The following KCNN3 variants were observed in gnomAD, a reference collection of about 807,000 sequenced individuals.
KCNN3 encodes small conductance calcium-activated potassium channel protein 3.
Under a neutral mutation model 62.9 loss-of-function variants are expected in KCNN3, and 16 were observed. That is an observed-to-expected ratio of 0.25 (90% CI 0.17 to 0.39). The LOEUF (loss-of-function observed/expected upper bound fraction) is 0.39. Ranked by LOEUF, KCNN3 falls within the 10% of genes least tolerant of loss-of-function variation. The pLI is 1.00. For missense variants in KCNN3, 599 were observed against 949.4 expected, an observed-to-expected ratio of 0.63 and a Z score of 4.85; for synonymous variants, 370 against 389.2, an observed-to-expected ratio of 0.95 and a Z score of 0.58.
Position 154,772,827 on chromosome 1 carries a change from G to T in KCNN3, c.1030-434C>A, listed in dbSNP as rs1000591785. Among the ~76,000 whole-genome samples, 1 of 152,106 alleles carries T rather than the reference G, an allele frequency of 6.6e-6. No individual in the cohort carries two copies. The highest frequency in any genetic ancestry group is 6.5e-5 in the Admixed American group (1 of 15,272). On this transcript the variant is annotated intron_variant, in intron 2 of 7. Coordinates refer to ENST00000271915, the MANE Select transcript of KCNN3 (RefSeq NM_002249.6). This position sits in a 1 kb window ranked among gnomAD's most constrained non-coding sequence, Gnocchi z 5.6. ...GGATCCAGGGTGGCCTCAGGATGGCGCTGGTTGCCAGGGGAACCAATCTGG... is the reference window on the plus strand; with the variant it reads ...GGATCCAGGGTGGCCTCAGGATGGCTCTGGTTGCCAGGGGAACCAATCTGG...
chr1:154,772,335 A>T lies in KCNN3; in HGVS notation c.1088T>A (p.Ile363Asn), dbSNP rs768464858. Residue 363 changes from isoleucine (I) to asparagine (N), a missense_variant, in exon 3 of 8, where the codon ATC becomes AAC. Around this residue, in one of 7 missense-constraint regions of KCNN3, gnomAD observed 288 missense variants for 557.4 expected, o/e 0.52. Transcript: ENST00000271915. This position sits in a 1 kb window ranked among gnomAD's most constrained non-coding sequence, Gnocchi z 5.6. ...DWRIAMTYERILYISLEMLVC... is the reference protein window; with the variant it reads ...DWRIAMTYERNLYISLEMLVC... ...CAGCATCTCCAGGCTGATGTACAGGATGCGCTCGTAGGTCATGGCTATCCG... is the reference window on the plus strand; with the variant it reads ...CAGCATCTCCAGGCTGATGTACAGGTTGCGCTCGTAGGTCATGGCTATCCG... 7 of 1,614,072 alleles carry T rather than the reference A, an allele frequency of 4.3e-6. No individual in the cohort carries two copies.
chr1:154,707,367 A>G lies in KCNN3; in HGVS notation c.*609T>C, dbSNP rs556604540. ...TGTACATGTACACGTTTGCAAACAC[A>G]CAGGTTTATGTGGGTATTAATATCG... On this transcript the variant is annotated 3_prime_UTR_variant, in exon 8 of 8. Coordinates refer to ENST00000271915, the MANE Select transcript of KCNN3 (RefSeq NM_002249.6). 2.6e-5 allele frequency: 4 copies of G among 151,586 alleles called. No homozygotes were observed. The East Asian group carries it at 7.8e-4, about 29-fold the overall frequency. 9.4% of individuals were successfully genotyped at this position (151,586 alleles called of 1,614,324 possible). A position where few individuals can be genotyped will look rare whatever the true frequency, so the allele number is the denominator to read the frequency against.
In KCNN3 at chr1:154,772,483, G is replaced by C; in HGVS notation, c.1030-90C>G. ...GGACAGGTGGGGCAGGCTGGGGCAG[G>C]CTGCTGGGCTCAGGTCAGCCTGACC... On this transcript the variant is annotated intron_variant, in intron 2 of 7. Transcript: ENST00000271915. This position sits in a 1 kb window ranked among gnomAD's most constrained non-coding sequence, Gnocchi z 5.6. The C allele has an allele frequency of 7.5e-7, 1 of 1,336,830 alleles. No individual in the cohort carries two copies. The highest frequency in any genetic ancestry group is 1.1e-6 in the Non-Finnish European group (1 of 944,290). The allele number at this position is 1,336,830 out of a possible 1,614,324, so 82.8% of individuals were successfully genotyped here.
chr1:154,741,623 G>T (rs1379985741), intron 3 of KCNN3, among the ~76,000 whole-genome samples: 1 of 151,834 alleles, frequency 6.6e-6, no homozygotes, highest in Admixed American at 6.6e-5. Flanking sequence ...ACAGCACTAG[G>T]GTGACAGAAA....
At chr1:154,715,731 T>G (rs1330057071) in intron 5 of KCNN3, among the ~76,000 whole-genome samples, 1 of 152,134 alleles carries the variant, frequency 6.6e-6, no homozygotes, top group Non-Finnish European at 1.5e-5. Flanking sequence ...CCTTGGAAAA[T>G]AGCTAGCGAT....
intron 1 of KCNN3, among the ~76,000 whole-genome samples, chr1:154,864,366 T>C (rs1020329489): frequency 5.3e-5 from 8 of 152,276 alleles, no homozygotes; most frequent in Non-Finnish European, 1.0e-4. Context: ...CAGAGCCACT[T>C]GGCTAGCCAA....
Position 154,714,860 on chromosome 1 carries a change from G to A in KCNN3, c.1829+16C>T, listed in dbSNP as rs769631740. 18 of 1,612,804 alleles carry A rather than the reference G, an allele frequency of 1.1e-5. No individual in the cohort carries two copies. Among genetic ancestry groups the A allele is most frequent in the South Asian group, 9.9e-5 (9 of 91,076 alleles). ...AGTCTGGTCATCTGATGGCTGAACC[G>A]CTCTGGCATACTCACTGGTGGATAG... is the stretch of plus-strand genomic sequence containing the variant. On this transcript the variant is annotated intron_variant, in intron 6 of 7. Coordinates refer to ENST00000271915, the MANE Select transcript of KCNN3 (RefSeq NM_002249.6).
At chr1:154,715,086 A>T in intron 5 of KCNN3, 83 bp from the exon 6 acceptor site, 2 of 1,510,644 alleles carry the variant, frequency 1.3e-6, no homozygotes, top group Non-Finnish European at 9.2e-7. Context: ...AGTCTACCTC[A>T]TAAGGAAACG....
chr1:154,864,165 T>A (rs1254113469), intron 1 of KCNN3, among the ~76,000 whole-genome samples: 1 of 152,216 alleles, frequency 6.6e-6, no homozygotes, highest in African/African-American at 2.4e-5. Context: ...GCCTTCTGCA[T>A]CCTGGTCCTG....
chr1:154,788,695 G>A (rs1442186334), intron 2 of KCNN3, among the ~76,000 whole-genome samples: 4 of 152,064 alleles, frequency 2.6e-5, no homozygotes, highest in Non-Finnish European at 5.9e-5. Flanking sequence ...GCATCCACTC[G>A]CATCACCCCA....
At chr1:154,848,180 T>A (rs1000344276) in intron 1 of KCNN3, among the ~76,000 whole-genome samples, 2 of 152,160 alleles carry the variant, frequency 1.3e-5, no homozygotes, top group African/African-American at 4.8e-5. Flanking sequence ...GGCTGCCTGA[T>A]GCTCGCTGCT....
chr1:154,819,747 G>C (rs1003095886), intron 2 of KCNN3, among the ~76,000 whole-genome samples: 6 of 152,056 alleles, frequency 3.9e-5, no homozygotes, highest in Non-Finnish European at 7.4e-5. Context: ...GGCAGGGCTG[G>C]GCCAGAGCAG....
intron 7 of KCNN3, among the ~76,000 whole-genome samples, chr1:154,711,986 C>CAGGGAGAT (rs1557936730): frequency 3.2e-5 from 4 of 126,780 alleles, no homozygotes; most frequent in Non-Finnish European, 5.0e-5. Context: ...GACAGGGAGA[C>CAGGGAGAT]GGAGAGGAAG....
At chr1:154,835,606 A>G (rs931065631) in intron 1 of KCNN3, among the ~76,000 whole-genome samples, 1 of 152,194 alleles carries the variant, frequency 6.6e-6, no homozygotes, top group African/African-American at 2.4e-5. Context: ...TATTTCATCA[A>G]TTATGGACAA....
At chr1:154,764,367 T>C (rs1648162021) in intron 3 of KCNN3, among the ~76,000 whole-genome samples, 2 of 152,178 alleles carry the variant, frequency 1.3e-5, no homozygotes, top group Non-Finnish European at 2.9e-5. Flanking sequence ...GAGTCTCAAG[T>C]CTGCTGGCTC....
chr1:154,722,985 C>T (rs970118081), intron 5 of KCNN3, among the ~76,000 whole-genome samples: 4 of 152,104 alleles, frequency 2.6e-5, no homozygotes, highest in African/African-American at 9.7e-5. Context: ...CCACCTCGGC[C>T]TCCCAAAGTG....
At chr1:154,796,634 C>G (rs1408758530) in intron 2 of KCNN3, among the ~76,000 whole-genome samples, 1 of 152,220 alleles carries the variant, frequency 6.6e-6, no homozygotes, top group East Asian at 1.9e-4. Flanking sequence ...AGTCATGATT[C>G]AACCGATTCA....
At chr1:154,744,863 A>T (rs544037912) in intron 3 of KCNN3, among the ~76,000 whole-genome samples, 1 of 151,890 alleles carries the variant, frequency 6.6e-6, no homozygotes, top group Non-Finnish European at 1.5e-5. Flanking sequence ...CTGAGGAATA[A>T]ATGGCCTAGG....
At chr1:154,729,467 A>G (rs1700545307) in intron 4 of KCNN3, among the ~76,000 whole-genome samples, 1 of 152,050 alleles carries the variant, frequency 6.6e-6, no homozygotes, top group South Asian at 2.1e-4. Context: ...ATTCGGACCC[A>G]AATCTGGACC....
Sources: gnomAD v4.1 joint callset for allele counts (sites outside exome capture counted in the v4.1 genomes callset) on GRCh38, gnomAD v4.1.1 for gene constraint, gnomAD v4.1.1 regional missense constraint, Gnocchi (gnomAD v3.1) non-coding constraint, MANE v1.5 for transcripts, NCBI Gene and HGNC (gene_info 2026-07-23, HGNC 2026-07-21) for gene names.